The following CRACR2A variants were observed in gnomAD, a reference collection of about 807,000 sequenced individuals.
CRACR2A encodes the protein EF-hand calcium-binding domain-containing protein 4B.
Under a neutral mutation model 90.5 loss-of-function variants are expected in CRACR2A, and 79 were observed. The ratio of observed to expected loss-of-function variants is 0.87; its 90% CI spans 0.73 to 1.05. CRACR2A has a LOEUF of 1.05. CRACR2A is among the 50% of genes least tolerant of loss of function. The probability of loss-of-function intolerance (pLI) is 0.00; values close to 1 mark genes in which losing one functional copy is unlikely to be tolerated. For synonymous variants in CRACR2A, 338 were observed against 356.7 expected, an observed-to-expected ratio of 0.95 and a Z score of 0.59; for missense variants, 823 against 897.2, an observed-to-expected ratio of 0.92 and a Z score of 1.06.
At position 3,711,298 on chromosome 12, in the gene CRACR2A, G is replaced by A. The variant is rs1946003436; in HGVS notation, c.-37+1939C>T. ...TCTTTAAGTTCTCTGCCTTTGACTC[G>A]CAATTTCATCTTAAGTCATAGTCCT... On this transcript the variant is annotated intron_variant, in intron 3 of 19. Transcript: ENST00000440314. The surrounding 1 kb of genome is among the most constrained non-coding windows in gnomAD (Gnocchi z 4.3). 6.6e-6 allele frequency among the ~76,000 whole-genome samples: 1 copy of A among 152,260 alleles called. No homozygotes were observed. Among genetic ancestry groups the A allele is most frequent in the Admixed American group, 6.5e-5 (1 of 15,288 alleles).
intron 7 of CRACR2A, among the ~76,000 whole-genome samples, chr12:3,669,882 C>T (rs1945210513): frequency 6.6e-6 from 1 of 152,168 alleles, no homozygotes; most frequent in Non-Finnish European, 1.5e-5. Flanking sequence ...TGCATAAGGC[C>T]AGACTCCCCC....
intron 8 of CRACR2A, among the ~76,000 whole-genome samples, chr12:3,657,389 G>A (rs188135718): frequency 6.6e-5 from 10 of 152,346 alleles, no homozygotes; most frequent in African/African-American, 1.2e-4. Context: ...GGAGGACAGC[G>A]TGGGATGCTG....
chr12:3,662,661 T>C (rs1313463072), intron 7 of CRACR2A, among the ~76,000 whole-genome samples: 2 of 152,116 alleles, frequency 1.3e-5, no homozygotes, highest in African/African-American at 4.8e-5. Flanking sequence ...ATTGGGAAGA[T>C]GAAGAAGAAA....
chr12:3,665,422 GT>G (rs1403657176), intron 7 of CRACR2A, among the ~76,000 whole-genome samples: 1 of 152,228 alleles, frequency 6.6e-6, no homozygotes, highest in Non-Finnish European at 1.5e-5. Flanking sequence ...CCTTGGATAA[GT>G]CACATTACCT....
intron 1 of CRACR2A, among the ~76,000 whole-genome samples, chr12:3,738,638 A>T (rs2137887171): frequency 6.6e-6 from 1 of 152,328 alleles, no homozygotes; most frequent in East Asian, 1.9e-4. Context: ...AACTTAAGAG[A>T]CATGAAAAAG....
At chr12:3,664,199 T>C (rs190944650) in intron 7 of CRACR2A, among the ~76,000 whole-genome samples, 4 of 152,364 alleles carry the variant, frequency 2.6e-5, no homozygotes, top group East Asian at 3.9e-4. Flanking sequence ...TTTTATTATA[T>C]TATAGTAAGA....
At chr12:3,674,835 T>A (rs191170614) in intron 6 of CRACR2A, among the ~76,000 whole-genome samples, 13 of 152,368 alleles carry the variant, frequency 8.5e-5, no homozygotes, top group Admixed American at 4.6e-4. Context: ...AAGTCTTTTG[T>A]TACTTAAATA....
chr12:3,656,443 T>C (rs1944910122), intron 8 of CRACR2A, 37 bp from the exon 9 acceptor site: 8 of 1,597,344 alleles, frequency 5.0e-6, no homozygotes, highest in Non-Finnish European at 6.9e-6. Flanking sequence ...AGGACCCAAA[T>C]GTAGCACACC....
chr12:3,637,714 T>A (rs1396601807), intron 14 of CRACR2A, among the ~76,000 whole-genome samples: 1 of 152,066 alleles, frequency 6.6e-6, no homozygotes. Flanking sequence ...TTAGTTTAGA[T>A]TGTATGACCC....
chr12:3,669,531 CTG>C (rs1945204721), intron 7 of CRACR2A, among the ~76,000 whole-genome samples: 1 of 152,194 alleles, frequency 6.6e-6, no homozygotes, highest in Non-Finnish European at 1.5e-5. Flanking sequence ...TCTTCAACCT[CTG>C]TGCAAAAGGA....
At chr12:3,653,176 T>A (rs928613736) in intron 10 of CRACR2A, among the ~76,000 whole-genome samples, 4 of 152,056 alleles carry the variant, frequency 2.6e-5, no homozygotes, top group Non-Finnish European at 4.4e-5. Flanking sequence ...AGAGATGGGG[T>A]TTCACCGTGT....
intron 14 of CRACR2A, among the ~76,000 whole-genome samples, chr12:3,634,691 G>A (rs1187289745): frequency 6.6e-6 from 1 of 152,156 alleles, no homozygotes; most frequent in Non-Finnish European, 1.5e-5. Context: ...AGTGAATTTG[G>A]GGGAATTAGC....
intron 17 of CRACR2A, among the ~76,000 whole-genome samples, chr12:3,620,319 T>A (rs1439005273): frequency 2.0e-5 from 3 of 152,250 alleles, no homozygotes; most frequent in Non-Finnish European, 4.4e-5. Flanking sequence ...AACAAATAGT[T>A]ATTCATTGTA....
chr12:3,679,142 TC>T, intron 5 of CRACR2A, 44 bp from the exon 6 acceptor site: 1 of 1,518,514 alleles, frequency 6.6e-7, no homozygotes, highest in South Asian at 1.3e-5. Flanking sequence ...ACCATACCCA[TC>T]CAGGAAGAGC....
At chr12:3,658,921 T>C (rs1028268425) in intron 8 of CRACR2A, among the ~76,000 whole-genome samples, 3 of 151,938 alleles carry the variant, frequency 2.0e-5, no homozygotes, top group African/African-American at 7.3e-5. Flanking sequence ...TTGAGACAAA[T>C]GGCAGGGCTT....
At chr12:3,713,374 A>C (rs1946035684) in intron 2 of CRACR2A, 57 bp from the exon 3 acceptor site, 19 of 921,970 alleles carry the variant, frequency 2.1e-5, no homozygotes, top group Non-Finnish European at 2.3e-5. Flanking sequence ...GTTACAACAG[A>C]AGTGGCTTTA....
At chr12:3,639,231 A>G (rs1327766292) in intron 13 of CRACR2A, among the ~76,000 whole-genome samples, 1 of 152,044 alleles carries the variant, frequency 6.6e-6, no homozygotes, top group Non-Finnish European at 1.5e-5. Flanking sequence ...CCCTTTCTGT[A>G]TCCCTAGAAG....
At chr12:3,637,985 T>G in intron 14 of CRACR2A, 139 bp downstream of exon 14, 1 of 811,370 alleles carries the variant, frequency 1.2e-6, no homozygotes, top group Non-Finnish European at 1.9e-6. Context: ...GAAAGTGGTA[T>G]TTGGAGGACA....
chr12:3,705,653 A>T (rs1442680955), intron 3 of CRACR2A, among the ~76,000 whole-genome samples: 1 of 152,238 alleles, frequency 6.6e-6, no homozygotes, highest in Non-Finnish European at 1.5e-5. Flanking sequence ...GGAGCTGGCG[A>T]TGCCTGATAA....
Sources: gnomAD v4.1 joint callset for allele counts (sites outside exome capture counted in the v4.1 genomes callset) on GRCh38, gnomAD v4.1.1 for gene constraint, Gnocchi (gnomAD v3.1) non-coding constraint, MANE v1.5 for transcripts, NCBI Gene and HGNC (gene_info 2026-07-23, HGNC 2026-07-21) for gene names.